Variants in ZNF503 observed in about 807,000 individuals in gnomAD.
The protein encoded by ZNF503 is NocA-like zinc finger 2.
ZNF503 carries 15 observed loss-of-function variants against 34.4 expected under a neutral mutation model. The observed-to-expected ratio is 0.44, with a 90% CI of 0.29 to 0.67. The LOEUF is 0.67. Ranked by LOEUF, ZNF503 falls within the 30% of genes least tolerant of loss-of-function variation. The pLI is 0.13. For synonymous variants in ZNF503, 580 were observed against 456.8 expected (o/e 1.27, Z -3.44); for missense variants, 1,007 against 926.8 (o/e 1.09, Z -1.12).
chr10:75,360,148 T>C, the ZNF503 span, among the ~76,000 whole-genome samples: 1 of 126,518 alleles, frequency 7.9e-6, no homozygotes, highest in South Asian at 2.7e-4. Context: ...TGAGACAGAA[T>C]CTCGCTCTGT....
the ZNF503 span, among the ~76,000 whole-genome samples, chr10:75,334,211 G>A: frequency 6.6e-5 from 10 of 151,884 alleles, no homozygotes; most frequent in South Asian, 4.2e-4. Context: ...CTCGGGCCCC[G>A]CGGGGCCCGT....
the ZNF503 span, among the ~76,000 whole-genome samples, chr10:75,330,892 T>C: frequency 6.6e-6 from 1 of 152,150 alleles, no homozygotes; most frequent in African/African-American, 2.4e-5. Context: ...AATTTTGGGG[T>C]TGGTTTATGC....
At chr10:75,387,712 C>G in the ZNF503 span, among the ~76,000 whole-genome samples, 2 of 152,110 alleles carry the variant, frequency 1.3e-5, no homozygotes, top group Admixed American at 6.6e-5. Flanking sequence ...TTGCTGGGTG[C>G]TCCCAGAAGG....
the ZNF503 span, among the ~76,000 whole-genome samples, chr10:75,378,105 T>C: frequency 6.6e-6 from 1 of 151,914 alleles, no homozygotes; most frequent in Admixed American, 6.6e-5. Flanking sequence ...CCGGGGAGGA[T>C]GGTGTTAAGC....
At chr10:75,379,833 G>T in the ZNF503 span, among the ~76,000 whole-genome samples, 1 of 152,182 alleles carries the variant, frequency 6.6e-6, no homozygotes, top group African/African-American at 2.4e-5. Flanking sequence ...AAGCGTGGAC[G>T]CAAATTTCAT....
chr10:75,314,943 CA>C, the ZNF503 span, among the ~76,000 whole-genome samples: 2 of 152,232 alleles, frequency 1.3e-5, no homozygotes, highest in East Asian at 3.9e-4. Flanking sequence ...AACATGAAAA[CA>C]TGAAAGTATA....
Position 75,400,154 on chromosome 10 carries a change from G to T in ZNF503, c.536C>A (p.Ser179Tyr). ...CTCCTTCTTATCCGAGCCGGGTTTGGAGTACGGCTTGAAACTCGACTTGTC... is the reference window on the plus strand; with the variant it reads ...CTCCTTCTTATCCGAGCCGGGTTTGTAGTACGGCTTGAAACTCGACTTGTC... ...VEDKSSFKPY[S>Y]KPGSDKKEPG... Residue 179 changes from serine (S) to tyrosine (Y), a missense_variant, in exon 2 of 2, where the codon TCC becomes TAC. By Grantham distance (144) the Ser-to-Tyr change is moderately radical. Transcript: ENST00000372524. 3 of 1,561,676 alleles carry T rather than the reference G, an allele frequency of 1.9e-6. No homozygotes were observed. Among genetic ancestry groups the T allele is most frequent in the Non-Finnish European group, 2.6e-6 (3 of 1,153,524 alleles).
the ZNF503 span, among the ~76,000 whole-genome samples, chr10:75,323,156 A>C: frequency 2.6e-5 from 4 of 152,100 alleles, no homozygotes; most frequent in Non-Finnish European, 4.4e-5. Context: ...TCACATAGCA[A>C]AATGCATTTA....
chr10:75,323,237 G>A, the ZNF503 span, among the ~76,000 whole-genome samples: 1 of 152,130 alleles, frequency 6.6e-6, no homozygotes, highest in Non-Finnish European at 1.5e-5. Context: ...TAATTGTATG[G>A]TTGCACTATA....
the ZNF503 span, among the ~76,000 whole-genome samples, chr10:75,390,177 A>G: frequency 1.7e-4 from 26 of 151,520 alleles, no homozygotes; most frequent in African/African-American, 4.8e-4. Context: ...GATTACAGGC[A>G]TGATTTCTTT....
Position 75,400,193 on chromosome 10 carries a change from T to G in ZNF503, c.497A>C (p.Asp166Ala). 6.3e-7 allele frequency: 1 copy of G among 1,592,530 alleles called. No individual in the cohort carries two copies. Among genetic ancestry groups the G allele is most frequent in the Non-Finnish European group, 8.5e-7 (1 of 1,171,330 alleles). The change falls in exon 2 of 2, where the codon GAC (aspartate) becomes GCC (alanine). Residue 166 changes from aspartate (D) to alanine (A), a missense_variant. Asp to Ala is a moderately radical substitution (Grantham distance 126). Transcript: ENST00000372524. ...DTKSGPLKLS[D>A]IGVEDKSSFK... is the part of the protein sequence containing the mutation. Reference sequence around the variant, plus strand: ...ACTCGACTTGTCCTCCACGCCGATGTCGCTCAGCTTCAGGGGGCCCGATTT... The same window carrying G: ...ACTCGACTTGTCCTCCACGCCGATGGCGCTCAGCTTCAGGGGGCCCGATTT...
At chr10:75,366,806 A>G in the ZNF503 span, among the ~76,000 whole-genome samples, 5 of 152,224 alleles carry the variant, frequency 3.3e-5, no homozygotes, top group African/African-American at 1.2e-4. Flanking sequence ...TTGTGTAAAT[A>G]TCCTAGCTCC....
the ZNF503 span, among the ~76,000 whole-genome samples, chr10:75,307,112 AT>A: frequency 1.3e-5 from 2 of 152,224 alleles, no homozygotes; most frequent in East Asian, 3.8e-4. Flanking sequence ...GCTAGAAATG[AT>A]TTAGCTTAGT....
At chr10:75,388,170 C>T in the ZNF503 span, among the ~76,000 whole-genome samples, 8 of 152,214 alleles carry the variant, frequency 5.3e-5, no homozygotes, top group East Asian at 9.6e-4. Context: ...GCCACTGATT[C>T]GGGGCCTAGA....
the ZNF503 span, among the ~76,000 whole-genome samples, chr10:75,366,923 T>C: frequency 6.6e-6 from 1 of 152,206 alleles, no homozygotes; most frequent in East Asian, 1.9e-4. Flanking sequence ...TTGCTTAATA[T>C]ATCTCTTACT....
chr10:75,377,684 G>A, the ZNF503 span, among the ~76,000 whole-genome samples: 1 of 152,166 alleles, frequency 6.6e-6, no homozygotes. Flanking sequence ...TGGGACTTTT[G>A]TAAAGAAACT....
chr10:75,351,174 A>G, the ZNF503 span, among the ~76,000 whole-genome samples: 2 of 150,860 alleles, frequency 1.3e-5, no homozygotes, highest in South Asian at 4.2e-4. Context: ...GGAGGTGGCA[A>G]TTTTTTTTTC....
chr10:75,377,808 GC>G, the ZNF503 span, among the ~76,000 whole-genome samples: 12 of 152,214 alleles, frequency 7.9e-5, no homozygotes, highest in Non-Finnish European at 1.8e-4. Flanking sequence ...TTCTTGCATT[GC>G]TATAAAGAAA....
At chr10:75,348,507 ATT>A in the ZNF503 span, among the ~76,000 whole-genome samples, 15 of 99,352 alleles carry the variant, frequency 1.5e-4, no homozygotes, top group African/African-American at 5.1e-4. Flanking sequence ...CCCTATTACT[ATT>A]TTTTTTTTTT....
Sources: gnomAD v4.1 joint callset for allele counts (sites outside exome capture counted in the v4.1 genomes callset) on GRCh38, gnomAD v4.1.1 for gene constraint, MANE v1.5 for transcripts, NCBI Gene and HGNC (gene_info 2026-07-23, HGNC 2026-07-21) for gene names.